The following ADCY9 variants were observed in gnomAD, a reference collection of about 807,000 sequenced individuals.
ADCY9 encodes the protein adenylate cyclase 9.
In ADCY9, 50 loss-of-function variants were observed where a neutral mutation model predicts 101.5. The ratio of observed to expected loss-of-function variants is 0.49; its 90% CI spans 0.39 to 0.62. The LOEUF (loss-of-function observed/expected upper bound fraction) is 0.62. Ranked by LOEUF, ADCY9 falls within the 20% of genes least tolerant of loss-of-function variation. ADCY9 has a pLI of 0.00. For missense variants in ADCY9, 1,662 were observed against 1,800.4 expected (o/e 0.92, Z 1.39); for synonymous variants, 905 against 769.3 (o/e 1.18, Z -2.92).
chr16:3,978,074 A>C (rs2056108147), intron 8 of ADCY9, among the ~76,000 whole-genome samples: 1 of 152,132 alleles, frequency 6.6e-6, no homozygotes, highest in African/African-American at 2.4e-5. Flanking sequence ...ATTGCTCACT[A>C]TCTGCAGTCA....
At chr16:3,990,479 A>G (rs940431996) in intron 5 of ADCY9, among the ~76,000 whole-genome samples, 4 of 143,090 alleles carry the variant, frequency 2.8e-5, no homozygotes, top group Admixed American at 7.0e-5. Context: ...AAAAAAAAAA[A>G]AGAGTAAATC....
At position 3,992,909 on chromosome 16, in the gene ADCY9, G is replaced by A. The variant is rs575762670; in HGVS notation, c.1989+497C>T. Reference sequence around the variant, plus strand: ...TGGAGGACGAGAGCCCGCGCCCCAGGTGAGTCGCCTGCATGAGCCCCCGCC... The same window carrying A: ...TGGAGGACGAGAGCCCGCGCCCCAGATGAGTCGCCTGCATGAGCCCCCGCC... On this transcript the variant is annotated intron_variant, in intron 4 of 10. Transcript: ENST00000294016. The surrounding 1 kb of genome is among the most constrained non-coding windows in gnomAD (Gnocchi z 4.2). Among the ~76,000 whole-genome samples the A allele has an allele frequency of 3.9e-5, 6 of 152,234 alleles. No individual in the cohort carries two copies. The highest frequency in any genetic ancestry group is 7.2e-5 in the African/African-American group (3 of 41,546).
chr16:4,001,356 A>G (rs1210593200), intron 3 of ADCY9, among the ~76,000 whole-genome samples: 1 of 152,008 alleles, frequency 6.6e-6, no homozygotes, highest in Non-Finnish European at 1.5e-5. Flanking sequence ...CCAGATCTGG[A>G]CCTGCCTGGT....
At chr16:4,070,294 A>C (rs1404820156) in intron 2 of ADCY9, among the ~76,000 whole-genome samples, 1 of 152,174 alleles carries the variant, frequency 6.6e-6, no homozygotes, top group African/African-American at 2.4e-5. Context: ...TGGAAAAAAA[A>C]CTTGCAGCTA....
chr16:3,983,286 G>C lies in ADCY9; in HGVS notation c.2465C>G (p.Ala822Gly), dbSNP rs558610583. 6.4e-7 allele frequency: 1 copy of C among 1,557,652 alleles called. No homozygotes were observed. Among genetic ancestry groups the C allele is most frequent in the East Asian group, 2.4e-5 (1 of 41,190 alleles). Residue 822 changes from alanine to glycine, a missense_variant, in exon 7 of 11, where the codon GCG (alanine) becomes GGG (glycine). Around this residue, in one of 5 missense-constraint regions of ADCY9, gnomAD observed 624 missense variants for 639.1 expected, o/e 0.98. Transcript: ENST00000294016. ...ATVPPPPAALAVFSAALLLEV... is the reference protein window; with the variant it reads ...ATVPPPPAALGVFSAALLLEV... ...CAGCAGCAGGGCTGCACTGAAGACC[G>C]CCAGGGCGGCGGGCGGGGGAGGCAC...
chr16:3,977,298 A>G (rs941623549), intron 9 of ADCY9, among the ~76,000 whole-genome samples, 184 bp downstream of exon 9: 3 of 152,192 alleles, frequency 2.0e-5, no homozygotes, highest in African/African-American at 4.8e-5. Context: ...TTTCTTTTGC[A>G]TATTACTCTG....
intron 7 of ADCY9, 105 bp downstream of exon 7, chr16:3,983,127 G>C (rs1313480537): frequency 3.6e-6 from 4 of 1,096,936 alleles, no homozygotes; most frequent in African/African-American, 1.6e-5. Context: ...TCAGCCAGCA[G>C]GGACAGCTGG....
chr16:4,012,322 G>A (rs1183535743), intron 2 of ADCY9, among the ~76,000 whole-genome samples: 5 of 152,070 alleles, frequency 3.3e-5, no homozygotes, highest in African/African-American at 9.7e-5. Flanking sequence ...AATCACAAAC[G>A]CCTGAGAAAT....
intron 2 of ADCY9, among the ~76,000 whole-genome samples, chr16:4,093,786 A>G (rs2056987235): frequency 6.6e-6 from 1 of 152,170 alleles, no homozygotes; most frequent in African/African-American, 2.4e-5. Context: ...AATTGTTTAA[A>G]AAATCAAAGA....
At chr16:4,074,111 T>C (rs1043959202) in intron 2 of ADCY9, among the ~76,000 whole-genome samples, 8 of 152,084 alleles carry the variant, frequency 5.3e-5, no homozygotes, top group Non-Finnish European at 1.2e-4. Context: ...CAAACAGCAT[T>C]GCTCTAAAAG....
chr16:3,992,109 G>C lies in ADCY9; in HGVS notation c.2207+37C>G. 1.3e-6 allele frequency: 2 copies of C among 1,598,690 alleles called. No homozygotes were observed. Among genetic ancestry groups the C allele is most frequent in the Non-Finnish European group, 8.6e-7 (1 of 1,167,378 alleles). ...GAAAAAGGCAGAGAGGCTTCTGCCTGCAACCTTTGCTTTTTCCCAGACAGC... is the reference window on the plus strand; with the variant it reads ...GAAAAAGGCAGAGAGGCTTCTGCCTCCAACCTTTGCTTTTTCCCAGACAGC... On this transcript the variant is annotated intron_variant, in intron 5 of 10. Transcript: ENST00000294016. The surrounding 1 kb of genome is among the most constrained non-coding windows in gnomAD (Gnocchi z 4.2).
intron 2 of ADCY9, among the ~76,000 whole-genome samples, chr16:4,040,371 G>A (rs1028231520): frequency 1.2e-4 from 18 of 152,038 alleles, no homozygotes; most frequent in African/African-American, 4.3e-4. Context: ...CAAACACTTG[G>A]TGAGGTGGCC....
At chr16:4,006,041 G>A (rs2056365010) in intron 3 of ADCY9, among the ~76,000 whole-genome samples, 1 of 152,160 alleles carries the variant, frequency 6.6e-6, no homozygotes, top group South Asian at 2.1e-4. Context: ...AGATACATGA[G>A]CTTTACACAT....
chr16:4,069,843 C>G (rs2056822650), intron 2 of ADCY9, among the ~76,000 whole-genome samples: 1 of 152,170 alleles, frequency 6.6e-6, no homozygotes, highest in South Asian at 2.1e-4. Flanking sequence ...CACTTGTAAT[C>G]CCAGCACTTT....
In ADCY9 at chr16:4,066,111, G is replaced by A. The variant is rs141641632; in HGVS notation, c.1693+47639C>T. ...GCAGAGGAGACGGTTCTCCATTCTA[G>A]GAATGGGTATGAACTTGCCTGAATA... is the stretch of plus-strand genomic sequence containing the variant. On this transcript the variant is annotated intron_variant, in intron 2 of 10. Transcript: ENST00000294016. Among the ~76,000 whole-genome samples, 1,151 of 152,318 alleles carry A rather than the reference G, an allele frequency of 7.6e-3. 7 individuals carry two copies. Among genetic ancestry groups the A allele is most frequent in the Non-Finnish European group, 0.013 (903 of 68,024 alleles).
intron 7 of ADCY9, 192 bp downstream of exon 7, chr16:3,983,040 G>A (rs545058994): frequency 3.4e-5 from 21 of 615,292 alleles, no homozygotes; most frequent in South Asian, 1.5e-4. Flanking sequence ...TGGTCCCCCC[G>A]CATCTGGGCC....
chr16:4,045,918 C>T (rs2056660771), intron 2 of ADCY9, among the ~76,000 whole-genome samples: 1 of 139,560 alleles, frequency 7.2e-6, no homozygotes, highest in Admixed American at 8.0e-5. Flanking sequence ...TCATGTTGCC[C>T]AGGCTGGTCT....
chr16:4,042,007 T>C (rs2056630810), intron 2 of ADCY9, among the ~76,000 whole-genome samples: 3 of 136,630 alleles, frequency 2.2e-5, no homozygotes, highest in Non-Finnish European at 4.6e-5. Context: ...CACTGCAACC[T>C]CTGCCTCCCG....
At chr16:3,991,930 G>A (rs1020685905) in intron 5 of ADCY9, among the ~76,000 whole-genome samples, 1 of 152,048 alleles carries the variant, frequency 6.6e-6, no homozygotes, top group Non-Finnish European at 1.5e-5. Context: ...ACCTAGCCAG[G>A]CATGGTGGTG....
Sources: allele counts gnomAD v4.1 joint callset (sites outside exome capture counted in the v4.1 genomes callset), GRCh38; gene constraint gnomAD v4.1.1; regional missense constraint gnomAD v4.1.1; non-coding constraint Gnocchi (gnomAD v3.1); transcripts MANE v1.5; gene names NCBI Gene and HGNC (gene_info 2026-07-23, HGNC 2026-07-21).